The following KIF1C variants were observed in gnomAD, a reference collection of about 807,000 sequenced individuals.
KIF1C encodes the protein kinesin family member 1C.
A neutral mutation model predicts 126.5 loss-of-function variants in KIF1C; 61 were observed. The observed-to-expected ratio is 0.48, with a 90% CI of 0.39 to 0.60. KIF1C has a LOEUF of 0.60. KIF1C is among the 20% of genes least tolerant of loss of function. KIF1C has a pLI of 0.00. For synonymous variants in KIF1C, 640 were observed against 580.6 expected (o/e 1.10, Z -1.47); for missense variants, 1,315 against 1,489.2 (o/e 0.88, Z 1.93).
At chr17:5,004,124 CTT>C (rs1260651699) in intron 11 of KIF1C, 51 bp downstream of exon 11, 3 of 1,257,614 alleles carry the variant, frequency 2.4e-6, no homozygotes, top group African/African-American at 2.9e-5. Flanking sequence ...CCCACAAACT[CTT>C]TTGATACATC....
rs761733935 is a variant in KIF1C at position 5,022,558 on chromosome 17, G to A, written c.2477G>A (p.Arg826Gln). Residue 826 changes from arginine (R) to glutamine (Q), a missense_variant, in exon 22 of 23, where the codon CGA becomes CAA. This residue lies in a region of KIF1C where 441 missense variants were observed against 436.1 expected (regional missense o/e 1.01). Coordinates refer to ENST00000320785, the MANE Select transcript of KIF1C (RefSeq NM_006612.6). This position sits in a 1 kb window ranked among gnomAD's most constrained non-coding sequence, Gnocchi z 4.9. ...GSGGGSEEGA[R>Q]GAEVEDLRAH... ...GGTGGTGGCAGTGAGGAGGGAGCCC[G>A]AGGGGCGGAGGTGGAGGACCTCCGG... is the stretch of plus-strand genomic sequence containing the variant. 4 of 1,592,284 alleles carry A rather than the reference G, an allele frequency of 2.5e-6. No individual in the cohort carries two copies. The highest frequency in any genetic ancestry group is 2.3e-5 in the South Asian group (2 of 88,214).
At chr17:5,005,357 C>CA (rs1347634937) in intron 13 of KIF1C, among the ~76,000 whole-genome samples, 4 of 152,212 alleles carry the variant, frequency 2.6e-5, no homozygotes, top group Admixed American at 2.6e-4. Context: ...TGCAAAACGT[C>CA]AGAGTTGAAG....
At chr17:5,003,026 C>G (rs1974640199) in intron 8 of KIF1C, among the ~76,000 whole-genome samples, 184 bp downstream of exon 8, 1 of 151,264 alleles carries the variant, frequency 6.6e-6, no homozygotes, top group African/African-American at 2.4e-5. Context: ...TCCCCCTCTA[C>G]TGTTTGCTTG....
At position 5,026,062 on chromosome 17, in the gene KIF1C, A is replaced by T. The variant is rs1975203309; in HGVS notation, c.*1911A>T. The T allele has an allele frequency of 6.6e-6, 1 of 152,210 alleles. No individual in the cohort carries two copies. The highest frequency in any genetic ancestry group is 2.4e-5 in the African/African-American group (1 of 41,442). The allele number at this position is 152,210 out of a possible 1,614,324, so 9.4% of individuals were successfully genotyped here. A position where few individuals can be genotyped will look rare whatever the true frequency, so the allele number is the denominator to read the frequency against. On this transcript the variant is annotated 3_prime_UTR_variant, in exon 23 of 23. Coordinates refer to ENST00000320785, the MANE Select transcript of KIF1C (RefSeq NM_006612.6). ...CTGGGGTCAGTCTCCAGCCAAAACC[A>T]TAGATATCCCAACTGCAGCCAAACC...
At position 5,022,249 on chromosome 17, in the gene KIF1C, G is replaced by T; in HGVS notation, c.2168G>T (p.Arg723Leu). The T allele has an allele frequency of 1.2e-6, 2 of 1,614,108 alleles. No homozygotes were observed. Among genetic ancestry groups the T allele is most frequent in the Non-Finnish European group, 1.7e-6 (2 of 1,180,022 alleles). The change falls in exon 22 of 23, where the codon CGC (arginine) becomes CTC (leucine). Residue 723 changes from arginine to leucine, a missense_variant. By Grantham distance (102) the Arg-to-Leu change is moderately radical. Transcript: ENST00000320785. This position sits in a 1 kb window ranked among gnomAD's most constrained non-coding sequence, Gnocchi z 4.9. ...AGCAGTGGCAAGCGCAGGGCCCCTC[G>T]CAGGGTTTATCAGATCCCCCAGCGA... is the stretch of plus-strand genomic sequence containing the variant. The part of the protein sequence containing the change: ...LPSSGKRRAP[R>L]RVYQIPQRRR...
In KIF1C at chr17:5,023,519, G is replaced by A. The variant is rs1262894595; in HGVS notation, c.2680G>A (p.Glu894Lys). 3 of 1,613,486 alleles carry A rather than the reference G, an allele frequency of 1.9e-6. No individual in the cohort carries two copies. The highest frequency in any genetic ancestry group is 2.5e-6 in the Non-Finnish European group (3 of 1,179,854). ...EGGEVPWAPP[E>K]GSEAAEEAAP... ...TGGTGAGGTCCCCTGGGCCCCGCCT[G>A]AAGGATCAGAGGCAGCAGAGGAGGC... Residue 894 changes from glutamate (E) to lysine (K), a missense_variant, in exon 23 of 23, where the codon GAA becomes AAA. Physicochemically the swap from Glu to Lys is moderately conservative, Grantham distance 56. Transcript: ENST00000320785. This position sits in a 1 kb window ranked among gnomAD's most constrained non-coding sequence, Gnocchi z 4.2.
Position 5,014,767 on chromosome 17 carries a change from C to T in KIF1C, c.1596C>T (p.Ile532=). 1.3e-6 allele frequency: 2 copies of T among 1,598,798 alleles called. No homozygotes were observed. The highest frequency in any genetic ancestry group is 2.3e-5 in the South Asian group (2 of 87,740). Residue 532 remains isoleucine (I), a synonymous_variant, in exon 18 of 23, where the codon ATC becomes ATT. Coordinates refer to ENST00000320785, the MANE Select transcript of KIF1C (RefSeq NM_006612.6). ...VTRVGQVDMD[I]KLTGQFIREQ... ...GGGTCGGCCAAGTAGATATGGACAT[C>T]AAGCTGACCGGACAGTTCATTCGGG...
At chr17:5,006,766 A>G in intron 13 of KIF1C, 149 bp from the exon 14 acceptor site, 1 of 756,664 alleles carries the variant, frequency 1.3e-6, no homozygotes, top group Non-Finnish European at 2.2e-6. Flanking sequence ...TGGCTGCAGT[A>G]GGAGGGCTCC....
Position 5,002,492 on chromosome 17 carries a change from G to A in KIF1C, c.458G>A (p.Arg153Gln), listed in dbSNP as rs528902778. Residue 153 changes from arginine (R) to glutamine (Q), a missense_variant, in exon 7 of 23, where the codon CGG (arginine) becomes CAG (glutamine). Physicochemically the swap from Arg to Gln is conservative, Grantham distance 43. Transcript: ENST00000320785. ...AGCTATATGGAGATCTACTGTGAGC[G>A]GGTACGAGACCTCTTGAACCCCAAG... is the stretch of plus-strand genomic sequence containing the variant. ...EVSYMEIYCERVRDLLNPKSR... is the reference protein window; with the variant it reads ...EVSYMEIYCEQVRDLLNPKSR... 12 of 1,609,162 alleles carry A rather than the reference G, an allele frequency of 7.5e-6. No homozygotes were observed. Among genetic ancestry groups the A allele is most frequent in the East Asian group, 2.2e-5 (1 of 44,758 alleles).
intron 16 of KIF1C, among the ~76,000 whole-genome samples, chr17:5,012,526 A>G (rs1407952737): frequency 6.6e-6 from 1 of 152,024 alleles, no homozygotes; most frequent in Non-Finnish European, 1.5e-5. Flanking sequence ...GAGCCGGGAC[A>G]TGGAGGAGGC....
rs765019500 is a variant in KIF1C, at chr17:5,023,845, G to A, written c.3006G>A (p.Pro1002=). Residue 1002 remains proline (P), a synonymous_variant, in exon 23 of 23, where the codon CCG becomes CCA. Transcript: ENST00000320785. This position sits in a 1 kb window ranked among gnomAD's most constrained non-coding sequence, Gnocchi z 4.2. The stretch of plus-strand genomic sequence containing the variant: ...TGGGGAGCGGGGAGGCTCCAACTCC[G>A]CTCCAACCCCCTGAGGAGGTCACTC... ...PGMGSGEAPT[P]LQPPEEVTPH... is the part of the protein sequence containing the mutation. The A allele has an allele frequency of 5.9e-6, 9 of 1,519,442 alleles. No individual in the cohort carries two copies. Among genetic ancestry groups the A allele is most frequent in the East Asian group, 4.6e-5 (2 of 43,920 alleles). 94.1% of individuals were successfully genotyped at this position (1,519,442 alleles called of 1,614,324 possible).
At chr17:5,018,137 C>T (rs1975016749) in intron 18 of KIF1C, among the ~76,000 whole-genome samples, 1 of 151,980 alleles carries the variant, frequency 6.6e-6, no homozygotes, top group Admixed American at 6.6e-5. Flanking sequence ...TGTGCCACCA[C>T]ACCTGGCTAA....
intron 6 of KIF1C, 138 bp from the exon 7 acceptor site, chr17:5,002,326 G>A (rs572482050): frequency 2.2e-5 from 21 of 969,314 alleles, no homozygotes; most frequent in East Asian, 7.2e-5. Context: ...TGGGCAGGTC[G>A]CTGAGCTAGC....
At chr17:5,007,567 G>T (rs767235427) in intron 16 of KIF1C, 25 bp downstream of exon 16, 2 of 1,517,204 alleles carry the variant, frequency 1.3e-6, no homozygotes, top group Non-Finnish European at 8.8e-7. Flanking sequence ...GAGCGAGGAG[G>T]CCTAGAGAGC....
chr17:5,016,432 TAG>T (rs1443081436), intron 18 of KIF1C, among the ~76,000 whole-genome samples: 1 of 151,750 alleles, frequency 6.6e-6, no homozygotes, highest in African/African-American at 2.4e-5. Context: ...TTTGTATTTT[TAG>T]TAGAGACAGG....
Position 5,027,650 on chromosome 17 carries a change from T to A in KIF1C, c.*3499T>A, listed in dbSNP as rs980623361. On this transcript the variant is annotated 3_prime_UTR_variant, in exon 23 of 23. Coordinates refer to ENST00000320785, the MANE Select transcript of KIF1C (RefSeq NM_006612.6). ...GTTAGGATTCCAACCCAGGTCAACA[T>A]AACTAAAGCCCAAACCCCATCTCAC... The A allele has an allele frequency of 2.6e-5, 4 of 152,134 alleles. No individual in the cohort carries two copies. The highest frequency in any genetic ancestry group is 6.6e-5 in the Admixed American group (1 of 15,240). 9.4% of individuals were successfully genotyped at this position (152,134 alleles called of 1,614,324 possible).
chr17:5,014,752 A>G lies in KIF1C; in HGVS notation c.1581A>G (p.Gln527=). The change falls in exon 18 of 23, where the codon CAA becomes CAG. Residue 527 remains glutamine, a synonymous_variant. Coordinates refer to ENST00000320785, the MANE Select transcript of KIF1C (RefSeq NM_006612.6). Reference sequence around the variant, plus strand: ...GCCATTGCTTCCCCAGGGTCGGCCAAGTAGATATGGACATCAAGCTGACCG... The same window carrying G: ...GCCATTGCTTCCCCAGGGTCGGCCAGGTAGATATGGACATCAAGCTGACCG... ...HIKDGVTRVG[Q]VDMDIKLTGQ... 2 of 1,593,572 alleles carry G rather than the reference A, an allele frequency of 1.3e-6. No homozygotes were observed. Among genetic ancestry groups the G allele is most frequent in the South Asian group, 1.1e-5 (1 of 87,118 alleles).
intron 13 of KIF1C, among the ~76,000 whole-genome samples, chr17:5,006,556 G>T (rs868443354): frequency 1.3e-5 from 2 of 151,896 alleles, no homozygotes; most frequent in Non-Finnish European, 2.9e-5. Flanking sequence ...GGCTGGTCTC[G>T]AACTCCTGAC....
rs200967354 is a variant in KIF1C, at chr17:5,023,181, A to AT, written c.2629-275dup. ...AGGCGCGCACCACCACACCCGGCTAATTTTTTTTTTTTGTATTTTAGTAGA... is the reference window on the plus strand; with the variant it reads ...AGGCGCGCACCACCACACCCGGCTAATTTTTTTTTTTTTGTATTTTAGTAGA... On this transcript the variant is annotated intron_variant, in intron 22 of 22. Coordinates refer to ENST00000320785, the MANE Select transcript of KIF1C (RefSeq NM_006612.6). The surrounding 1 kb of genome is among the most constrained non-coding windows in gnomAD (Gnocchi z 4.2). 1.5e-3 allele frequency among the ~76,000 whole-genome samples: 220 copies of AT among 145,982 alleles called. 1 individual carries two copies. Among genetic ancestry groups the AT allele is most frequent in the African/African-American group, 4.1e-3 (163 of 40,048 alleles).
Sources: gnomAD v4.1 joint callset for allele counts (sites outside exome capture counted in the v4.1 genomes callset) on GRCh38, gnomAD v4.1.1 for gene constraint, gnomAD v4.1.1 regional missense constraint, Gnocchi (gnomAD v3.1) non-coding constraint, MANE v1.5 for transcripts, NCBI Gene and HGNC (gene_info 2026-07-23, HGNC 2026-07-21) for gene names.